The following LRRC7 variants were observed in gnomAD, a reference collection of about 807,000 sequenced individuals.
The protein encoded by LRRC7 is leucine rich repeat containing 7.
LRRC7 carries 23 observed loss-of-function variants against 175.7 expected under a neutral mutation model. The ratio of observed to expected loss-of-function variants is 0.13; its 90% CI spans 0.09 to 0.19. The LOEUF is 0.19. LRRC7 is among the 10% of genes least tolerant of loss of function. The pLI is 1.00. For missense variants in LRRC7, 1,354 were observed against 1,904.7 expected (o/e 0.71, Z 5.38); for synonymous variants, 685 against 680.9 (o/e 1.01, Z -0.09).
chr1:69,991,169 AAC>A (rs1303642323), intron 10 of LRRC7, among the ~76,000 whole-genome samples: 3 of 151,928 alleles, frequency 2.0e-5, no homozygotes, highest in East Asian at 3.9e-4. Flanking sequence ...AAAAAAAAAA[AAC>A]AAACTGGTAG....
intron 1 of LRRC7, among the ~76,000 whole-genome samples, chr1:69,664,350 C>T (rs973139120): frequency 3.3e-5 from 5 of 152,096 alleles, no homozygotes; most frequent in African/African-American, 9.7e-5. Context: ...AATAAAGTAG[C>T]TGTTTTATTT....
intron 11 of LRRC7, among the ~76,000 whole-genome samples, chr1:70,001,209 A>G (rs1655490311): frequency 6.6e-6 from 1 of 152,162 alleles, no homozygotes; most frequent in Non-Finnish European, 1.5e-5. Flanking sequence ...GAACAACTAT[A>G]TAGAAATCGA....
chr1:69,764,789 A>G (rs1671450211), intron 3 of LRRC7, among the ~76,000 whole-genome samples: 1 of 151,570 alleles, frequency 6.6e-6, no homozygotes, highest in Admixed American at 6.6e-5. Context: ...AGACAGACAG[A>G]CAGATAGATA....
At chr1:69,575,666 A>G (rs942012742) in intron 1 of LRRC7, among the ~76,000 whole-genome samples, 1 of 152,138 alleles carries the variant, frequency 6.6e-6, no homozygotes, top group Non-Finnish European at 1.5e-5. Flanking sequence ...TTTTTAAATC[A>G]TTGATCTTTT....
chr1:70,074,696 A>G (rs1182953804), intron 23 of LRRC7, among the ~76,000 whole-genome samples: 2 of 152,230 alleles, frequency 1.3e-5, no homozygotes, highest in Admixed American at 1.3e-4. Flanking sequence ...TTGGACGTCT[A>G]AAATATAATC....
chr1:69,934,738 T>C (rs761700935), intron 8 of LRRC7, among the ~76,000 whole-genome samples: 7 of 152,112 alleles, frequency 4.6e-5, no homozygotes, highest in Admixed American at 6.5e-5. Context: ...AGGTCAGAGA[T>C]GGAACACTAT....
intron 2 of LRRC7, among the ~76,000 whole-genome samples, chr1:69,703,751 C>T (rs1237138867): frequency 6.6e-6 from 1 of 151,904 alleles, no homozygotes. Context: ...TGTTTATATT[C>T]ATATGTATTT....
chr1:69,654,115 A>AT (rs928157189), intron 1 of LRRC7, among the ~76,000 whole-genome samples: 233 of 147,142 alleles, frequency 1.6e-3, no homozygotes, highest in Admixed American at 2.7e-3. Flanking sequence ...CATGTTATTT[A>AT]TTTTTTTTTT....
rs143226034 is a variant in LRRC7 at position 69,901,205 on chromosome 1, A to G, written c.648-30302A>G. Among the ~76,000 whole-genome samples, 764 of 152,308 alleles carry G rather than the reference A, an allele frequency of 5.0e-3. 8 individuals are homozygous for G. Among genetic ancestry groups the G allele is most frequent in the African/African-American group, 0.018 (743 of 41,568 alleles). ...ACAAATGCCTGGGTTGCCATCATCC[A>G]AGAAGTAAGAAGGGCAAAACTAAAA... On this transcript the variant is annotated intron_variant, in intron 7 of 26. Transcript: ENST00000651989.
rs1351536564 is a variant in LRRC7 at position 70,130,734 on chromosome 1, C to G, written c.*8847C>G. On this transcript the variant is annotated 3_prime_UTR_variant, in exon 27 of 27. Coordinates refer to ENST00000651989, the MANE Select transcript of LRRC7 (RefSeq NM_001370785.2). ...CCTTTCTCTTTGAGAAGAAGTCATG[C>G]ACATTGTCACTAGATTACGTTACCT... is the stretch of plus-strand genomic sequence containing the variant. 6.6e-6 allele frequency among the ~76,000 whole-genome samples: 1 copy of G among 152,104 alleles called. No homozygotes were observed. The highest frequency in any genetic ancestry group is 1.5e-5 in the Non-Finnish European group (1 of 68,020).
chr1:69,705,227 G>A (rs983380047), intron 2 of LRRC7, among the ~76,000 whole-genome samples: 7 of 152,016 alleles, frequency 4.6e-5, no homozygotes, highest in Non-Finnish European at 1.0e-4. Flanking sequence ...CTCCATATTG[G>A]CTAGGGCTCT....
intron 16 of LRRC7, 109 bp downstream of exon 16, chr1:70,021,238 A>C: frequency 2.8e-5 from 29 of 1,034,736 alleles, no homozygotes; most frequent in Non-Finnish European, 3.7e-5. Flanking sequence ...TTCAAGTCTC[A>C]TGGCGGTACC....
intron 3 of LRRC7, among the ~76,000 whole-genome samples, chr1:69,775,236 G>A (rs182055023): frequency 1.3e-5 from 2 of 152,286 alleles, no homozygotes; most frequent in East Asian, 3.9e-4. Flanking sequence ...AAGTAAAAAT[G>A]TAATTTCATT....
At chr1:69,974,790 TA>T (rs1652637563) in intron 8 of LRRC7, among the ~76,000 whole-genome samples, 1 of 152,214 alleles carries the variant, frequency 6.6e-6, no homozygotes. Context: ...CATCCAGTAA[TA>T]AAAATATCTT....
At chr1:69,671,043 C>T (rs541979159) in intron 1 of LRRC7, among the ~76,000 whole-genome samples, 10 of 152,032 alleles carry the variant, frequency 6.6e-5, no homozygotes, top group Non-Finnish European at 1.0e-4. Flanking sequence ...AAGACAATGT[C>T]CCCTTTACTT....
chr1:69,816,102 T>TGA (rs1231488780), intron 4 of LRRC7, among the ~76,000 whole-genome samples: 1 of 152,030 alleles, frequency 6.6e-6, no homozygotes, highest in Non-Finnish European at 1.5e-5. Flanking sequence ...CTCAGCCTCC[T>TGA]GAGTAGCTGG....
At chr1:69,670,668 T>C (rs530765299) in intron 1 of LRRC7, among the ~76,000 whole-genome samples, 1 of 152,140 alleles carries the variant, frequency 6.6e-6, no homozygotes, top group East Asian at 1.9e-4. Context: ...TCAAAAACCT[T>C]AGGAGTATAC....
Position 70,056,250 on chromosome 1 carries a change from A to G in LRRC7, c.4230+3105A>G, listed in dbSNP as rs542562619. Among the ~76,000 whole-genome samples the G allele has an allele frequency of 1.1e-4, 16 of 152,314 alleles. No homozygotes were observed. The South Asian group carries it at 3.3e-3, about 32-fold the overall frequency. On this transcript the variant is annotated intron_variant, in intron 23 of 26. Coordinates refer to ENST00000651989, the MANE Select transcript of LRRC7 (RefSeq NM_001370785.2). ...AGGATGGCCCAGAACTCCATGGAAC[A>G]GAACTCCATGGAACACCAACATTTA...
At chr1:70,022,952 A>G (rs1351494247) in intron 16 of LRRC7, among the ~76,000 whole-genome samples, 174 bp from the exon 17 acceptor site, 1 of 152,216 alleles carries the variant, frequency 6.6e-6, no homozygotes, top group Non-Finnish European at 1.5e-5. Context: ...GTGACCCTTT[A>G]GCATCATATA....
Sources: gnomAD v4.1 joint callset for allele counts (sites outside exome capture counted in the v4.1 genomes callset) on GRCh38, gnomAD v4.1.1 for gene constraint, MANE v1.5 for transcripts, NCBI Gene and HGNC (gene_info 2026-07-23, HGNC 2026-07-21) for gene names.